The following FAM174A variants were observed in gnomAD, a reference collection of about 807,000 sequenced individuals.
FAM174A encodes the protein family with sequence similarity 174 member A.
FAM174A carries 14 observed loss-of-function variants against 14.3 expected under a neutral mutation model. The observed-to-expected ratio is 0.98, with a 90% CI of 0.65 to 1.53. The LOEUF is 1.53. Among genes scored for constraint, FAM174A ranks in the 40% most tolerant of loss-of-function variants. The pLI is 0.00. For missense variants in FAM174A, 241 were observed against 249.6 expected, an observed-to-expected ratio of 0.97 and a Z score of 0.23; for synonymous variants, 108 against 111.4, an observed-to-expected ratio of 0.97 and a Z score of 0.19.
At chr5:100,544,398 A>G (rs1217072865) in intron 1 of FAM174A, among the ~76,000 whole-genome samples, 2 of 151,604 alleles carry the variant, frequency 1.3e-5, no homozygotes, top group Non-Finnish European at 2.9e-5. Context: ...CCTCAAACAG[A>G]TGAGATCCTG....
rs374276314 is a variant in FAM174A, at chr5:100,538,448, C to G, written c.434+2484C>G. ...ATGAATATGTAGGTAATAATAACTT[C>G]CTTTTTGAGTCTGGAAACATTCCAA... On this transcript the variant is annotated intron_variant, in intron 1 of 2. Transcript: ENST00000312637. 4.9e-4 allele frequency among the ~76,000 whole-genome samples: 74 copies of G among 151,900 alleles called. 3 individuals carry two copies. In the South Asian group the frequency reaches 5.6e-3, roughly 12 times the overall value.
intron 2 of FAM174A, among the ~76,000 whole-genome samples, chr5:100,564,290 T>C (rs1390635674): frequency 6.6e-6 from 1 of 151,574 alleles, no homozygotes; most frequent in Non-Finnish European, 1.5e-5. Context: ...GAGCAATTAT[T>C]GGGTCAAATA....
Position 100,535,884 on chromosome 5 carries a change from G to A in FAM174A, c.354G>A (p.Lys118=), listed in dbSNP as rs1331268552. Residue 118 remains lysine, a synonymous_variant, in exon 1 of 3, where the codon AAG becomes AAA. Transcript: ENST00000312637. ...GLAVSPNPGD[K]PMTQRALTVL... ...CTGTGAGCCCCAACCCTGGCGACAA[G>A]CCCATGACCCAGCGGGCCCTGACCG... is the stretch of plus-strand genomic sequence containing the variant. 4 of 1,613,034 alleles carry A rather than the reference G, an allele frequency of 2.5e-6. No individual in the cohort carries two copies. The East Asian group carries it at 6.7e-5, about 27-fold the overall frequency.
intron 2 of FAM174A, 105 bp downstream of exon 2, chr5:100,562,293 A>G (rs562414528): frequency 1.9e-6 from 2 of 1,039,396 alleles, no homozygotes; most frequent in South Asian, 3.4e-5. Context: ...ATTCCAACAC[A>G]GTTTCTTCAG....
intron 2 of FAM174A, among the ~76,000 whole-genome samples, chr5:100,567,194 T>C (rs1403905497): frequency 6.6e-6 from 1 of 151,790 alleles, no homozygotes; most frequent in Non-Finnish European, 1.5e-5. Context: ...CTGACCCAAT[T>C]TACTTAATAA....
intron 2 of FAM174A, chr5:100,581,423 A>G: frequency 1.0e-6 from 1 of 979,506 alleles, no homozygotes; most frequent in Non-Finnish European, 1.2e-6. Flanking sequence ...CAATTGAGTT[A>G]AAGTTATTTT....
At chr5:100,577,727 A>C (rs1045861664) in intron 2 of FAM174A, among the ~76,000 whole-genome samples, 1 of 152,184 alleles carries the variant, frequency 6.6e-6, no homozygotes, top group Middle Eastern at 3.4e-3. Context: ...AGAAATTTCT[A>C]TTTAGTTTGT....
At chr5:100,546,557 T>A (rs1184962068) in intron 1 of FAM174A, among the ~76,000 whole-genome samples, 1 of 152,202 alleles carries the variant, frequency 6.6e-6, no homozygotes, top group East Asian at 1.9e-4. Flanking sequence ...CTTGAAGTAA[T>A]TGATTGATTA....
At chr5:100,539,984 C>T (rs1172017587) in intron 1 of FAM174A, among the ~76,000 whole-genome samples, 1 of 152,192 alleles carries the variant, frequency 6.6e-6, no homozygotes, top group Non-Finnish European at 1.5e-5. Flanking sequence ...TCCCTGCATT[C>T]CTTCCCTCAT....
intron 2 of FAM174A, among the ~76,000 whole-genome samples, chr5:100,579,498 C>T (rs1746966987): frequency 6.6e-6 from 1 of 151,976 alleles, no homozygotes; most frequent in Non-Finnish European, 1.5e-5. Context: ...GATCTCGTCT[C>T]GCTGCAGCCT....
intron 2 of FAM174A, among the ~76,000 whole-genome samples, chr5:100,584,914 C>G (rs1051575475): frequency 1.4e-4 from 21 of 151,842 alleles, no homozygotes; most frequent in Non-Finnish European, 2.6e-4. Flanking sequence ...TTTTCTGCTT[C>G]CAGCAAAAGC....
chr5:100,549,452 T>C (rs1746220696), intron 1 of FAM174A, among the ~76,000 whole-genome samples: 1 of 152,160 alleles, frequency 6.6e-6, no homozygotes, highest in Non-Finnish European at 1.5e-5. Flanking sequence ...GGATTTACTT[T>C]ACCTGGGGGT....
intron 1 of FAM174A, among the ~76,000 whole-genome samples, chr5:100,539,185 G>A (rs1746003648): frequency 6.6e-6 from 1 of 151,936 alleles, no homozygotes; most frequent in Non-Finnish European, 1.5e-5. Flanking sequence ...TATTATGATA[G>A]CCTTTATTTA....
At chr5:100,542,333 T>G (rs1402955055) in intron 1 of FAM174A, among the ~76,000 whole-genome samples, 1 of 151,932 alleles carries the variant, frequency 6.6e-6, no homozygotes, top group African/African-American at 2.4e-5. Context: ...TGCTGTACTC[T>G]CTTTATAAGG....
At chr5:100,566,858 G>A (rs1446094864) in intron 2 of FAM174A, among the ~76,000 whole-genome samples, 1 of 151,716 alleles carries the variant, frequency 6.6e-6, no homozygotes, top group African/African-American at 2.4e-5. Context: ...TTTAAGACAA[G>A]GGAAACTTTG....
chr5:100,565,206 A>G (rs1746616901), intron 2 of FAM174A, among the ~76,000 whole-genome samples: 1 of 151,912 alleles, frequency 6.6e-6, no homozygotes, highest in South Asian at 2.1e-4. Flanking sequence ...ATCTTTCAAC[A>G]CATGCAAATC....
chr5:100,536,785 A>G (rs939195884), intron 1 of FAM174A, among the ~76,000 whole-genome samples: 1 of 152,234 alleles, frequency 6.6e-6, no homozygotes, highest in African/African-American at 2.4e-5. Context: ...GTAATTTAAC[A>G]TATTTCTTTA....
chr5:100,535,393 T>A lies in FAM174A; in HGVS notation c.-138T>A, dbSNP rs111589697. ...CCGGGCAGCTGCCACTGCTGTAGCT[T>A]CTGCCACCTGCCACGACCGGGCCTC... On this transcript the variant is annotated 5_prime_UTR_variant, in exon 1 of 3. Coordinates refer to ENST00000312637, the MANE Select transcript of FAM174A (RefSeq NM_198507.3). 2.1e-3 allele frequency: 1,910 copies of A among 899,980 alleles called. 22 individuals are homozygous for A. In the African/African-American group the frequency reaches 0.028, roughly 13 times the overall value. 55.7% of individuals were successfully genotyped at this position (899,980 alleles called of 1,614,324 possible). A position where few individuals can be genotyped will look rare whatever the true frequency, so the allele number is the denominator to read the frequency against.
intron 1 of FAM174A, among the ~76,000 whole-genome samples, chr5:100,551,283 G>A (rs976078665): frequency 6.6e-6 from 1 of 152,116 alleles, no homozygotes; most frequent in Admixed American, 6.5e-5. Flanking sequence ...ACATCTTCCT[G>A]CTGTCACAGA....
Sources: allele counts gnomAD v4.1 joint callset (sites outside exome capture counted in the v4.1 genomes callset), GRCh38; gene constraint gnomAD v4.1.1; transcripts MANE v1.5; gene names NCBI Gene and HGNC (gene_info 2026-07-23, HGNC 2026-07-21).